Variants in EPM2A observed in about 807,000 individuals in gnomAD.
The protein encoded by EPM2A is laforin.
Under a neutral mutation model 26.5 loss-of-function variants are expected in EPM2A, and 21 were observed. The ratio of observed to expected loss-of-function variants is 0.79; its 90% CI spans 0.56 to 1.14. The LOEUF (loss-of-function observed/expected upper bound fraction) is 1.14, where lower values mean the gene tolerates loss of function less well. EPM2A is among the 50% of genes most tolerant of loss of function. The pLI is 0.00. For synonymous variants in EPM2A, 217 were observed against 177.6 expected (o/e 1.22, Z -1.76); for missense variants, 458 against 440.8 (o/e 1.04, Z -0.35).
chr6:145,635,588 G>A lies in EPM2A; in HGVS notation c.477-102C>T, dbSNP rs1582935719. On this transcript the variant is annotated intron_variant, in intron 2 of 3. Coordinates refer to ENST00000367519, the MANE Select transcript of EPM2A (RefSeq NM_005670.4). ...GTATTAAAATATAACTAACCTTTAA[G>A]TCTGGCACAGGAAAAGCTAGATATT... 12 of 1,136,174 alleles carry A rather than the reference G, an allele frequency of 1.1e-5. No individual in the cohort carries two copies. The East Asian group carries it at 2.8e-4, about 27-fold the overall frequency. The allele number at this position is 1,136,174 out of a possible 1,614,324, so 70.4% of individuals were successfully genotyped here.
intron 4 of EPM2A, among the ~76,000 whole-genome samples, chr6:145,482,919 A>C (rs1276155938): frequency 6.6e-6 from 1 of 151,660 alleles, no homozygotes; most frequent in Non-Finnish European, 1.5e-5. Context: ...CATGAAAGGA[A>C]ATTCCTGAAT....
chr6:145,424,704 G>A (rs1394168170), intron 4 of EPM2A, among the ~76,000 whole-genome samples: 1 of 152,158 alleles, frequency 6.6e-6, no homozygotes, highest in Admixed American at 6.5e-5. Flanking sequence ...GGGCCATCAC[G>A]TGTGGAATTA....
intron 4 of EPM2A, among the ~76,000 whole-genome samples, chr6:145,442,948 C>T (rs1779084243): frequency 1.3e-5 from 2 of 152,038 alleles, no homozygotes; most frequent in South Asian, 4.1e-4. Flanking sequence ...GCAAGCTGCG[C>T]CTCCTGGGTT....
chr6:145,472,094 A>T (rs1206685975), intron 4 of EPM2A, among the ~76,000 whole-genome samples: 1 of 151,594 alleles, frequency 6.6e-6, no homozygotes, highest in Non-Finnish European at 1.5e-5. Flanking sequence ...GAAGGGCATC[A>T]GTCAGAGTCA....
downstream of EPM2A, among the ~76,000 whole-genome samples, chr6:145,497,958 C>T (rs767326443): frequency 1.1e-4 from 17 of 152,266 alleles, no homozygotes; most frequent in African/African-American, 3.1e-4. Flanking sequence ...AAAGAGAAAT[C>T]GAAACTCTGT....
At chr6:145,486,180 G>T (rs900809125) in intron 4 of EPM2A, among the ~76,000 whole-genome samples, 1 of 152,168 alleles carries the variant, frequency 6.6e-6, no homozygotes, top group African/African-American at 2.4e-5. Context: ...CAGAGGGGTT[G>T]CCCCAAAAGG....
At chr6:145,483,065 T>C (rs1253955498) in intron 4 of EPM2A, among the ~76,000 whole-genome samples, 1 of 152,110 alleles carries the variant, frequency 6.6e-6, no homozygotes, top group Non-Finnish European at 1.5e-5. Context: ...TGGCACAGTA[T>C]TGACACGATG....
chr6:145,635,634 T>C, intron 2 of EPM2A, 148 bp from the exon 3 acceptor site: 2 of 749,152 alleles, frequency 2.7e-6, no homozygotes, highest in Non-Finnish European at 4.5e-6. Context: ...AACACCAATG[T>C]TATTATTGAA....
intron 4 of EPM2A, among the ~76,000 whole-genome samples, chr6:145,481,700 A>C (rs1241367731): frequency 1.3e-5 from 2 of 152,114 alleles, no homozygotes; most frequent in Non-Finnish European, 2.9e-5. Context: ...AAACTGTAGG[A>C]TATAAGTACT....
Position 145,659,876 on chromosome 6 carries a change from G to A in EPM2A, c.477-24390C>T, listed in dbSNP as rs185276095. ...ATGCTAAGCTGTAATCAATCCAGAT[G>A]TTTCCGTACCTTACTTCCATTTTCT... On this transcript the variant is annotated intron_variant, in intron 2 of 3. Transcript: ENST00000367519. 2.0e-5 allele frequency among the ~76,000 whole-genome samples: 3 copies of A among 152,206 alleles called. No homozygotes were observed. In the East Asian group the frequency reaches 5.8e-4, roughly 29 times the overall value.
At chr6:145,686,074 C>T (rs367954953) in intron 2 of EPM2A, 48 bp downstream of exon 2, 46 of 1,525,572 alleles carry the variant, frequency 3.0e-5, no homozygotes, top group Middle Eastern at 3.5e-4. Context: ...TGTGCTAATG[C>T]TATCTCTTGT....
chr6:145,562,397 G>T lies in EPM2A; in HGVS notation c.341-59822C>A, dbSNP rs182604020. Among the ~76,000 whole-genome samples the T allele has an allele frequency of 7.7e-3, 1,166 of 152,154 alleles. 16 individuals are homozygous for T. Among genetic ancestry groups the T allele is most frequent in the African/African-American group, 0.027 (1,110 of 41,508 alleles). ...AGATTACAGTTCTTCAGGAGCCTTT[G>T]GTATAGCTGGGGTGAGACAAAACAA... On this transcript the variant is annotated intron_variant, in intron 2 of 3. Coordinates refer to the EPM2A transcript ENST00000450221.
chr6:145,475,033 A>G lies in EPM2A; in HGVS notation c.555+27489T>C, dbSNP rs533799592. Among the ~76,000 whole-genome samples the G allele has an allele frequency of 9.2e-5, 14 of 152,348 alleles. No homozygotes were observed. In the East Asian group the frequency reaches 2.7e-3, roughly 29 times the overall value. On this transcript the variant is annotated intron_variant, in intron 4 of 4. Coordinates refer to the EPM2A transcript ENST00000638717. ...TACACAGTTCATGGGAGTGTAAATT[A>G]GTTCAATCATTGTGGAAGACAGTGT...
At chr6:145,538,017 G>A (rs1582834718) in intron 2 of EPM2A, among the ~76,000 whole-genome samples, 1 of 151,972 alleles carries the variant, frequency 6.6e-6, no homozygotes, top group Non-Finnish European at 1.5e-5. Context: ...GGGCATTTGG[G>A]TTGGTTCCAA....
At chr6:145,633,374 C>G (rs1776410895) in intron 3 of EPM2A, among the ~76,000 whole-genome samples, 2 of 152,194 alleles carry the variant, frequency 1.3e-5, no homozygotes, top group African/African-American at 4.8e-5. Flanking sequence ...GTAAATATCA[C>G]CTGGATTCAA....
intron 2 of EPM2A, among the ~76,000 whole-genome samples, chr6:145,549,969 G>T (rs1228078705): frequency 6.6e-6 from 1 of 152,126 alleles, no homozygotes; most frequent in Non-Finnish European, 1.5e-5. Flanking sequence ...GACTCAAGGA[G>T]TCTTCTAACT....
intron 1 of EPM2A, among the ~76,000 whole-genome samples, chr6:145,713,063 TTTTTATC>T (rs1775425042): frequency 6.6e-6 from 1 of 152,218 alleles, no homozygotes. Flanking sequence ...GTGTTTTTTA[TTTTTATC>T]TTTTAATTCC....
intron 1 of EPM2A, among the ~76,000 whole-genome samples, chr6:145,719,486 G>A (rs183282586): frequency 7.0e-6 from 1 of 142,910 alleles, no homozygotes; most frequent in Non-Finnish European, 1.5e-5. Flanking sequence ...GTTGGGGGAG[G>A]GGGGAGGGAT....
rs747896356 is a variant in EPM2A, at chr6:145,635,230, A to G, written c.718+15T>C. The G allele has an allele frequency of 6.2e-7, 1 of 1,614,122 alleles. No homozygotes were observed. Among genetic ancestry groups the G allele is most frequent in the Non-Finnish European group, 8.5e-7 (1 of 1,179,972 alleles). On this transcript the variant is annotated intron_variant, in intron 3 of 3. Coordinates refer to ENST00000367519, the MANE Select transcript of EPM2A (RefSeq NM_005670.4). The stretch of plus-strand genomic sequence containing the variant: ...CTGAAATACAGCAAGGAGGCAGAAC[A>G]GTTCTGATCCTTACCTTCGGTGCTC...
Sources: gnomAD v4.1 joint callset for allele counts (sites outside exome capture counted in the v4.1 genomes callset) on GRCh38, gnomAD v4.1.1 for gene constraint, MANE v1.5 for transcripts, NCBI Gene and HGNC (gene_info 2026-07-23, HGNC 2026-07-21) for gene names.